Variants in RASGEF1A observed in about 807,000 individuals in gnomAD.
The protein encoded by RASGEF1A is RasGEF domain family member 1A, also known as ras-GEF domain-containing family member 1A.
RASGEF1A carries 18 observed loss-of-function variants against 56.4 expected under a neutral mutation model. The observed-to-expected ratio is 0.32, with a 90% CI of 0.22 to 0.47. The LOEUF is 0.47. RASGEF1A is among the 20% of genes least tolerant of loss of function. RASGEF1A has a pLI of 1.00. For missense variants in RASGEF1A, 422 were observed against 627.1 expected, an observed-to-expected ratio of 0.67 and a Z score of 3.49; for synonymous variants, 245 against 242.6, an observed-to-expected ratio of 1.01 and a Z score of -0.09.
intron 1 of RASGEF1A, among the ~76,000 whole-genome samples, chr10:43,262,021 C>T (rs1192813857): frequency 6.6e-6 from 1 of 152,142 alleles, no homozygotes; most frequent in African/African-American, 2.4e-5. Flanking sequence ...TGCCCCAGTG[C>T]CCCAGCTGTG....
chr10:43,206,794 C>A, intron 1 of RASGEF1A: 1 of 986,068 alleles, frequency 1.0e-6, no homozygotes. Flanking sequence ...AGGTCTTGGG[C>A]CAAGTGGCTG....
chr10:43,261,457 C>T (rs1836527812), intron 1 of RASGEF1A, among the ~76,000 whole-genome samples: 1 of 152,248 alleles, frequency 6.6e-6, no homozygotes, highest in African/African-American at 2.4e-5. Context: ...CACCAATGCT[C>T]ACCTGGCCTG....
chr10:43,242,649 C>T (rs561788167), intron 1 of RASGEF1A, among the ~76,000 whole-genome samples: 166 of 152,192 alleles, frequency 1.1e-3, no homozygotes, highest in Middle Eastern at 3.4e-3. Flanking sequence ...TCTCCTGCCT[C>T]GGCCTGCCAA....
At chr10:43,205,565 G>A (rs533472198) in intron 2 of RASGEF1A, among the ~76,000 whole-genome samples, 2 of 152,254 alleles carry the variant, frequency 1.3e-5, no homozygotes, top group South Asian at 2.1e-4. Context: ...GACCCCAAGT[G>A]CTGGCTTTGC....
rs1453256117 is a variant in RASGEF1A, at chr10:43,235,012, C to G, written c.-6-28890G>C. Among the ~76,000 whole-genome samples the G allele has an allele frequency of 3.9e-5, 6 of 152,336 alleles. No individual in the cohort carries two copies. The East Asian group carries it at 1.2e-3, about 29-fold the overall frequency. ...TCAAAACCACACCTAAACACACCCA[C>G]AGGCTCCAGGGAAGGTTGTCTGGCA... On this transcript the variant is annotated intron_variant, in intron 1 of 12. Coordinates refer to ENST00000395810, the MANE Select transcript of RASGEF1A (RefSeq NM_145313.4).
At chr10:43,235,024 A>C (rs1840413167) in intron 1 of RASGEF1A, among the ~76,000 whole-genome samples, 1 of 152,226 alleles carries the variant, frequency 6.6e-6, no homozygotes, top group Non-Finnish European at 1.5e-5. Flanking sequence ...GGCTCCAGGG[A>C]AGGTTGTCTG....
intron 1 of RASGEF1A, chr10:43,209,048 A>C (rs1840032752): frequency 1.0e-6 from 1 of 985,268 alleles, no homozygotes; most frequent in Non-Finnish European, 1.2e-6. Flanking sequence ...CCTTGCCCCA[A>C]CAGCAGGGGC....
At chr10:43,252,464 C>T (rs1220230909) in intron 1 of RASGEF1A, among the ~76,000 whole-genome samples, 1 of 151,960 alleles carries the variant, frequency 6.6e-6, no homozygotes, top group Admixed American at 6.6e-5. Context: ...GGCTCGGCAT[C>T]CAGCAGCTCT....
At chr10:43,258,429 C>T (rs1650066486) in intron 1 of RASGEF1A, among the ~76,000 whole-genome samples, 1 of 152,224 alleles carries the variant, frequency 6.6e-6, no homozygotes, top group South Asian at 2.1e-4. Flanking sequence ...CCCCATGCCA[C>T]CTGCCCTCCT....
chr10:43,213,788 A>G (rs1206811737), intron 1 of RASGEF1A, among the ~76,000 whole-genome samples: 1 of 150,912 alleles, frequency 6.6e-6, no homozygotes, highest in African/African-American at 2.5e-5. Context: ...CACCATGCCC[A>G]GCTAATGTTT....
intron 1 of RASGEF1A, among the ~76,000 whole-genome samples, chr10:43,264,769 C>T (rs971749401): frequency 4.6e-5 from 7 of 152,070 alleles, no homozygotes; most frequent in Non-Finnish European, 7.4e-5. Flanking sequence ...CAGCGCCCCT[C>T]CCCTGGGGTG....
At chr10:43,229,207 C>A (rs1840324823) in intron 1 of RASGEF1A, among the ~76,000 whole-genome samples, 1 of 152,212 alleles carries the variant, frequency 6.6e-6, no homozygotes, top group South Asian at 2.1e-4. Context: ...TGCGCTCCCT[C>A]CCATGTGCCG....
chr10:43,242,428 T>G (rs1294984601), intron 1 of RASGEF1A, among the ~76,000 whole-genome samples: 1 of 152,102 alleles, frequency 6.6e-6, no homozygotes, highest in Non-Finnish European at 1.5e-5. Flanking sequence ...GTTGGGGAAT[T>G]CAATAGCCCC....
chr10:43,206,734 C>T, intron 1 of RASGEF1A: 1 of 986,438 alleles, frequency 1.0e-6, no homozygotes, highest in Non-Finnish European at 1.2e-6. Flanking sequence ...GGAGAGCTTG[C>T]TCAGGCAGGC....
At position 43,196,865 on chromosome 10, in the gene RASGEF1A, TG is replaced by T; in HGVS notation, c.1348+110del. Reference sequence around the variant, plus strand: ...CCCTGCGAGCAGAGCCAGCCCTGTGTGGCATGGAGCAGCCAGCAGGCCATCT... The same window carrying T: ...CCCTGCGAGCAGAGCCAGCCCTGTGTGCATGGAGCAGCCAGCAGGCCATCT... On this transcript the variant is annotated intron_variant, in intron 11 of 12. Transcript: ENST00000395810. The surrounding 1 kb of genome is among the most constrained non-coding windows in gnomAD (Gnocchi z 4.6). 1 of 1,339,956 alleles carries T rather than the reference TG, an allele frequency of 7.5e-7. No individual in the cohort carries two copies. Among genetic ancestry groups the T allele is most frequent in the Non-Finnish European group, 1.0e-6 (1 of 971,110 alleles). 83.0% of individuals were successfully genotyped at this position (1,339,956 alleles called of 1,614,324 possible). A position where few individuals can be genotyped will look rare whatever the true frequency, so the allele number is the denominator to read the frequency against.
chr10:43,260,238 C>T (rs1836500873), intron 1 of RASGEF1A, among the ~76,000 whole-genome samples: 1 of 152,174 alleles, frequency 6.6e-6, no homozygotes, highest in Non-Finnish European at 1.5e-5. Flanking sequence ...CATGACTGTA[C>T]ACCACACCCA....
intron 1 of RASGEF1A, among the ~76,000 whole-genome samples, chr10:43,232,560 C>T (rs1840385118): frequency 6.8e-6 from 1 of 147,688 alleles, no homozygotes; most frequent in Non-Finnish European, 1.5e-5. Context: ...GATCTCAGCT[C>T]ACTGCAACCT....
At chr10:43,209,028 C>T (rs1325763661) in intron 1 of RASGEF1A, 2 of 985,514 alleles carry the variant, frequency 2.0e-6, no homozygotes, top group South Asian at 4.7e-5. Context: ...TGTTCTTGCA[C>T]CTGCTTCCTC....
chr10:43,250,175 C>A (rs1401368657), intron 1 of RASGEF1A, among the ~76,000 whole-genome samples: 1 of 152,234 alleles, frequency 6.6e-6, no homozygotes, highest in Non-Finnish European at 1.5e-5. Flanking sequence ...GCACTGTGTA[C>A]CCTTGGCCAA....
Sources: gnomAD v4.1 joint callset for allele counts (sites outside exome capture counted in the v4.1 genomes callset) on GRCh38, gnomAD v4.1.1 for gene constraint, Gnocchi (gnomAD v3.1) non-coding constraint, MANE v1.5 for transcripts, NCBI Gene and HGNC (gene_info 2026-07-23, HGNC 2026-07-21) for gene names.